SPRY3: variants seen among roughly 807,000 people sequenced by gnomAD.
The protein encoded by SPRY3 is sprouty RTK signaling antagonist 3, also known as protein sprouty homolog 3.
In SPRY3, 15 loss-of-function variants were observed where a neutral mutation model predicts 20.2. That is an observed-to-expected ratio of 0.74 (90% confidence interval 0.50 to 1.14). The LOEUF is 1.14. SPRY3 is among the 50% of genes most tolerant of loss of function. The probability of loss-of-function intolerance (pLI) is 0.00; values close to 1 mark genes in which losing one functional copy is unlikely to be tolerated. For synonymous variants in SPRY3, 143 were observed against 136.5 expected, an observed-to-expected ratio of 1.05 and a Z score of -0.33; for missense variants, 364 against 363.9, an observed-to-expected ratio of 1.00 and a Z score of 0.00.
At chrX:155,774,359 C>G (rs1423811450) in exon 4 of SPRY3, 1 of 1,614,010 alleles carries the variant, frequency 6.2e-7, no homozygotes, top group South Asian at 1.1e-5. Flanking sequence ...GCAGCTCGCC[C>G]TCTCCCCTCC....
At chrX:155,780,974 ACT>A (rs2124046664), downstream of SPRY3, 1 of 156,162 alleles carries the variant, frequency 6.4e-6, no homozygotes, top group Non-Finnish European at 1.5e-5. Flanking sequence ...GTACCCTTTA[ACT>A]CTATTTTGTC....
chrX:155,757,337 A>T (rs774363843), intron 2 of SPRY3, among the ~76,000 whole-genome samples: 1 of 152,086 alleles, frequency 6.6e-6, no homozygotes, highest in South Asian at 2.1e-4. Flanking sequence ...AGCCTTCCCC[A>T]TATAGCTGGA....
chrX:155,769,309 G>T (rs1366128391), intron 3 of SPRY3, among the ~76,000 whole-genome samples: 1 of 152,152 alleles, frequency 6.6e-6, no homozygotes, highest in African/African-American at 2.4e-5. Context: ...TAAAGGAAAG[G>T]ACACTAATTC....
At chrX:155,658,546 C>A (rs782596001) in intron 2 of SPRY3, among the ~76,000 whole-genome samples, 8 of 112,145 alleles carry the variant, frequency 7.1e-5, no homozygotes, top group Admixed American at 6.6e-4. Flanking sequence ...TAGCCTTAAA[C>A]TTTACTGAAG....
intron 2 of SPRY3, among the ~76,000 whole-genome samples, chrX:155,682,851 A>T (rs992242717): frequency 3.6e-5 from 4 of 112,277 alleles, no homozygotes; most frequent in Admixed American, 9.5e-5. Context: ...GGCATAAAGA[A>T]TATTCACGAT....
chrX:155,767,863 A>C (rs2091350943), intron 2 of SPRY3, 99 bp from the exon 2 acceptor site: 1 of 152,396 alleles, frequency 6.6e-6, no homozygotes, highest in East Asian at 1.9e-4. Flanking sequence ...ATCTATACAA[A>C]GTATATGCCA....
chrX:155,664,206 A>G (rs1376934614), intron 2 of SPRY3, among the ~76,000 whole-genome samples: 1 of 110,947 alleles, frequency 9.0e-6, no homozygotes, highest in Non-Finnish European at 1.9e-5. Flanking sequence ...TCTATTTTAA[A>G]GGCCTAAATG....
intron 2 of SPRY3, among the ~76,000 whole-genome samples, chrX:155,754,455 T>C (rs1290286142): frequency 6.6e-6 from 1 of 152,104 alleles, no homozygotes; most frequent in African/African-American, 2.4e-5. Flanking sequence ...ACTATATGTA[T>C]ATCCTTATTC....
At chrX:155,615,210 G>T (rs1557348746) in intron 1 of SPRY3, among the ~76,000 whole-genome samples, 1 of 112,780 alleles carries the variant, frequency 8.9e-6, no homozygotes, top group African/African-American at 3.2e-5. Context: ...ACAAAAACAG[G>T]CAAGAGGCAG....
intron 1 of SPRY3, among the ~76,000 whole-genome samples, chrX:155,640,817 G>GT (rs1195261478): frequency 1.8e-5 from 2 of 111,759 alleles, no homozygotes; most frequent in African/African-American, 6.5e-5. Flanking sequence ...AGTTATAATA[G>GT]TTTTTTTAGT....
At chrX:155,732,607 T>G (rs1034266083) in intron 2 of SPRY3, among the ~76,000 whole-genome samples, 2 of 151,910 alleles carry the variant, frequency 1.3e-5, no homozygotes, top group African/African-American at 4.8e-5. Context: ...TCAAAACAAC[T>G]AAAAATATAG....
intron 1 of SPRY3, among the ~76,000 whole-genome samples, chrX:155,621,258 G>A (rs893305112): frequency 1.8e-5 from 2 of 112,005 alleles, no homozygotes; most frequent in South Asian, 3.7e-4. Flanking sequence ...TTCTATGCAC[G>A]TCTTGTACTA....
intron 3 of SPRY3, among the ~76,000 whole-genome samples, chrX:155,772,252 G>C (rs1228439129): frequency 6.6e-6 from 1 of 152,150 alleles, no homozygotes; most frequent in Non-Finnish European, 1.5e-5. Flanking sequence ...TATCAGGTTT[G>C]CATGAGGATA....
At chrX:155,727,867 G>A (rs1316575875) in intron 2 of SPRY3, among the ~76,000 whole-genome samples, 3 of 152,130 alleles carry the variant, frequency 2.0e-5, no homozygotes, top group African/African-American at 4.8e-5. Flanking sequence ...CAATTCTTTG[G>A]AGGAGAAGAG....
intron 1 of SPRY3, among the ~76,000 whole-genome samples, chrX:155,630,381 T>C (rs2067902050): frequency 8.9e-6 from 1 of 112,014 alleles, no homozygotes. Flanking sequence ...GCTTGAATAA[T>C]TCCCGTTAAC....
chrX:155,664,539 T>C (rs2068019027), intron 2 of SPRY3, among the ~76,000 whole-genome samples: 1 of 109,516 alleles, frequency 9.1e-6, no homozygotes, highest in Non-Finnish European at 1.9e-5. Flanking sequence ...AGAATCACAA[T>C]GAACTTACAA....
intron 2 of SPRY3, among the ~76,000 whole-genome samples, chrX:155,678,738 A>G (rs760200164): frequency 1.4e-4 from 16 of 112,460 alleles, no homozygotes; most frequent in Non-Finnish European, 2.1e-4. Flanking sequence ...ACTAGATTTT[A>G]TATAAATGTG....
At chrX:155,779,979 G>T (rs2124042972), downstream of SPRY3, 1 of 167,012 alleles carries the variant, frequency 6.0e-6, no homozygotes, top group South Asian at 2.1e-4. Flanking sequence ...CACTCTCAAA[G>T]ATAAGATCAT....
At chrX:155,657,153 G>C (rs1205721410) in intron 2 of SPRY3, among the ~76,000 whole-genome samples, 1 of 111,929 alleles carries the variant, frequency 8.9e-6, no homozygotes. Flanking sequence ...TCCTTGTCAG[G>C]ATCTGCTGCT....
Sources: allele counts gnomAD v4.1 joint callset (sites outside exome capture counted in the v4.1 genomes callset), GRCh38; gene constraint gnomAD v4.1.1; transcripts MANE v1.5; gene names NCBI Gene and HGNC (gene_info 2026-07-23, HGNC 2026-07-21).